DPH1: variants seen among roughly 807,000 people sequenced by gnomAD.
DPH1 encodes 2-(3-amino-3-carboxypropyl)histidine synthase subunit 1.
Under a neutral mutation model 55.3 loss-of-function variants are expected in DPH1, and 59 were observed. The ratio of observed to expected loss-of-function variants is 1.07; its 90% CI spans 0.87 to 1.33. The LOEUF is 1.33. Ranked by LOEUF, DPH1 falls within the 40% of genes most tolerant of loss-of-function variation. DPH1 has a pLI of 0.00. For synonymous variants in DPH1, 238 were observed against 235.5 expected, an observed-to-expected ratio of 1.01 and a Z score of -0.10; for missense variants, 628 against 584.8, an observed-to-expected ratio of 1.07 and a Z score of -0.76.
In DPH1 at chr17:2,036,036, C is replaced by T; in HGVS notation, c.345C>T (p.Phe115=). The change falls in exon 4 of 13, where the codon TTC becomes TTT. Residue 115 remains phenylalanine, a synonymous_variant. Coordinates refer to ENST00000263083, the MANE Select transcript of DPH1 (RefSeq NM_001383.6). The surrounding 1 kb of genome is among the most constrained non-coding windows in gnomAD (Gnocchi z 4.8). The part of the protein sequence containing the change: ...VTYGACCVDD[F]TARALGADFL... ...ACGGGGCTTGCTGTGTGGATGACTT[C>T]ACAGCGAGGGCCCTGGGAGCTGACT... is the stretch of plus-strand genomic sequence containing the variant. 1 of 1,613,996 alleles carries T rather than the reference C, an allele frequency of 6.2e-7. No homozygotes were observed. The highest frequency in any genetic ancestry group is 8.5e-7 in the Non-Finnish European group (1 of 1,179,926).
chr17:2,041,281 T>C (rs1288445310), intron 10 of DPH1, 100 bp downstream of exon 10: 1 of 1,491,812 alleles, frequency 6.7e-7, no homozygotes, highest in Non-Finnish European at 9.1e-7. Flanking sequence ...GTTATGTTCG[T>C]AGATTCCGGA....
At chr17:2,042,524 A>G (rs1016518192) in intron 12 of DPH1, 81 bp from the exon 13 acceptor site, 2 of 1,451,382 alleles carry the variant, frequency 1.4e-6, no homozygotes, top group Non-Finnish European at 1.8e-6. Context: ...GTCATCTCGA[A>G]CCCTCCTGCC....
intron 6 of DPH1, among the ~76,000 whole-genome samples, chr17:2,038,209 C>A (rs1269537319): frequency 2.6e-5 from 4 of 151,400 alleles, no homozygotes; most frequent in African/African-American, 9.7e-5. Context: ...CCTGTAGTCC[C>A]AGCTCCTCAG....
At position 2,036,331 on chromosome 17, in the gene DPH1, G is replaced by T. The variant is rs992405829; in HGVS notation, c.401-198G>T. ...TGAAAGGCTGTTGGTTGTAGAGCAG[G>T]CTGGGCCCCGGCCGGGTGACAGAGA... On this transcript the variant is annotated intron_variant, in intron 4 of 12. Transcript: ENST00000263083. The surrounding 1 kb of genome is among the most constrained non-coding windows in gnomAD (Gnocchi z 4.8). 1.9e-6 allele frequency: 2 copies of T among 1,045,520 alleles called. No homozygotes were observed. The highest frequency in any genetic ancestry group is 3.2e-5 in the African/African-American group (2 of 61,878). 64.8% of individuals were successfully genotyped at this position (1,045,520 alleles called of 1,614,324 possible).
chr17:2,038,339 C>T (rs1173080617), intron 6 of DPH1, among the ~76,000 whole-genome samples: 2 of 151,938 alleles, frequency 1.3e-5, no homozygotes, highest in Middle Eastern at 3.2e-3. Context: ...AATGAAAATC[C>T]GGTAGCTTTT....
intron 3 of DPH1, 150 bp downstream of exon 3, chr17:2,033,992 C>T: frequency 1.2e-6 from 1 of 850,224 alleles, no homozygotes. Context: ...TACACACACT[C>T]AGGGAAAACC....
Position 2,042,791 on chromosome 17 carries a change from T to A in DPH1, c.*205T>A. 1 of 1,613,518 alleles carries A rather than the reference T, an allele frequency of 6.2e-7. No individual in the cohort carries two copies. The highest frequency in any genetic ancestry group is 1.1e-5 in the South Asian group (1 of 91,080). On this transcript the variant is annotated 3_prime_UTR_variant, in exon 13 of 13. Transcript: ENST00000263083. Reference sequence around the variant, plus strand: ...CTTGGTTTCAGCCAAGGGGCTGCGCTAGCAGCCCTTGTGTGTGCCCTGGGC... The same window carrying A: ...CTTGGTTTCAGCCAAGGGGCTGCGCAAGCAGCCCTTGTGTGTGCCCTGGGC...
Position 2,030,235 on chromosome 17 carries a change from G to T in DPH1, c.61+5G>T, listed in dbSNP as rs1051795860. ...GCCGAGACGGCCCTGGCAGAGGTGG[G>T]TGCTGGAACGCTGCGCCCTCCAGAC... On this transcript the variant is annotated splice_donor_5th_base_variant and intron_variant, in intron 1 of 12. Coordinates refer to ENST00000263083, the MANE Select transcript of DPH1 (RefSeq NM_001383.6). The T allele has an allele frequency of 6.3e-7, 1 of 1,575,290 alleles. No individual in the cohort carries two copies. The highest frequency in any genetic ancestry group is 8.6e-7 in the Non-Finnish European group (1 of 1,160,860).
At chr17:2,040,843 G>A (rs2067507518) in intron 9 of DPH1, 2 of 626,570 alleles carry the variant, frequency 3.2e-6, no homozygotes, top group African/African-American at 3.7e-5. Context: ...GCTGACACCT[G>A]CCCTGTACCA....
Position 2,033,814 on chromosome 17 carries a change from G to C in DPH1, c.250G>C (p.Ala84Pro). 1 of 1,614,142 alleles carries C rather than the reference G, an allele frequency of 6.2e-7. No individual in the cohort carries two copies. The highest frequency in any genetic ancestry group is 8.5e-7 in the Non-Finnish European group (1 of 1,180,030). Residue 84 changes from alanine (A) to proline (P), a missense_variant, in exon 3 of 13, where the codon GCC becomes CCC. Physicochemically the swap from Ala to Pro is conservative, Grantham distance 27. Transcript: ENST00000263083. The part of the protein sequence containing the change: ...LQMPEGLLLF[A>P]CTIVDILERF... ...AATGCCGGAAGGCCTCCTCCTCTTT[G>C]CCTGTACCATTGTGGATATCTTGGA...
At chr17:2,041,381 G>C in intron 10 of DPH1, 100 bp from the exon 11 acceptor site, 1 of 1,510,672 alleles carries the variant, frequency 6.6e-7, no homozygotes, top group East Asian at 2.3e-5. Context: ...TGTGGCAGGG[G>C]ACAGTGTGCC....
At chr17:2,042,187 C>G in intron 12 of DPH1, 1 of 1,436,748 alleles carries the variant, frequency 7.0e-7, no homozygotes, top group South Asian at 1.4e-5. Context: ...GGCCCGCACC[C>G]GGTCCCCGAC....
rs370649778 is a variant in DPH1, at chr17:2,036,985, C to T, written c.680+29C>T. On this transcript the variant is annotated intron_variant, in intron 6 of 12. Transcript: ENST00000263083. This position sits in a 1 kb window ranked among gnomAD's most constrained non-coding sequence, Gnocchi z 4.8. ...AGTTAAAAATGGGGGCCAAGTAAGT[C>T]CTAGAGACATGCGTGTACCCTGGGA... The T allele has an allele frequency of 1.9e-5, 30 of 1,605,406 alleles. No homozygotes were observed. The African/African-American group carries it at 3.8e-4, about 20-fold the overall frequency.
In DPH1 at chr17:2,030,178, G is replaced by A; in HGVS notation, c.9G>A (p.Ala3=). 6.2e-7 allele frequency: 1 copy of A among 1,603,046 alleles called. No homozygotes were observed. The highest frequency in any genetic ancestry group is 8.5e-7 in the Non-Finnish European group (1 of 1,175,874). ...ACATGCGCAGGCAGGTGATGGCGGC[G>A]CTGGTCGTATCCGGGGCAGCGGAGC... The part of the protein sequence containing the change: MA[A]LVVSGAAEQG... Residue 3 remains alanine, a synonymous_variant, in exon 1 of 13, where the codon GCG becomes GCA. Coordinates refer to ENST00000263083, the MANE Select transcript of DPH1 (RefSeq NM_001383.6).
rs1410951723 is a variant in DPH1 at position 2,041,117 on chromosome 17, C to T, written c.1022C>T (p.Ala341Val). The T allele has an allele frequency of 1.2e-6, 2 of 1,603,008 alleles. No individual in the cohort carries two copies. Among genetic ancestry groups the T allele is most frequent in the South Asian group, 1.1e-5 (1 of 89,118 alleles). ...TCCCTTCCCAGGTGGGTGCAGGTGG[C>T]ATGTCCACGTCTCTCCATTGACTGG... is the stretch of plus-strand genomic sequence containing the variant. The part of the protein sequence containing the change: ...LPEVDVWVQV[A>V]CPRLSIDWGT... The change falls in exon 10 of 13, where the codon GCA becomes GTA. Residue 341 changes from alanine (A) to valine (V), a missense_variant. Ala to Val is a moderately conservative substitution (Grantham distance 64). Transcript: ENST00000263083.
In DPH1 at chr17:2,041,506, C is replaced by T. The variant is rs376712518; in HGVS notation, c.1112C>T (p.Ser371Phe). The change falls in exon 11 of 13, where the codon TCC becomes TTC. Residue 371 changes from serine (S) to phenylalanine (F), a missense_variant. Ser to Phe is a radical substitution (Grantham distance 155). Transcript: ENST00000263083. ...GCGGCCGTGGCTCTGAGGGACATTT[C>T]CTGGCAGCAGCCCTACCCGATGGAC... is the stretch of plus-strand genomic sequence containing the variant. ...YEAAVALRDISWQQPYPMDFY... is the reference protein window; with the variant it reads ...YEAAVALRDIFWQQPYPMDFY... The T allele has an allele frequency of 1.2e-5, 20 of 1,611,202 alleles. No individual in the cohort carries two copies. The African/African-American group carries it at 1.7e-4, about 14-fold the overall frequency.
Position 2,030,186 on chromosome 17 carries a change from T to C in DPH1, c.17T>C (p.Val6Ala). 2 of 1,603,108 alleles carry C rather than the reference T, an allele frequency of 1.2e-6. No homozygotes were observed. The highest frequency in any genetic ancestry group is 1.7e-6 in the Non-Finnish European group (2 of 1,175,980). Residue 6 changes from valine to alanine, a missense_variant, in exon 1 of 13, where the codon GTA becomes GCA. Transcript: ENST00000263083. Reference protein sequence around the residue: MAALVVSGAAEQGGRD... With the variant: MAALVASGAAEQGGRD... ...AGGCAGGTGATGGCGGCGCTGGTCGTATCCGGGGCAGCGGAGCAGGGCGGC... is the reference window on the plus strand; with the variant it reads ...AGGCAGGTGATGGCGGCGCTGGTCGCATCCGGGGCAGCGGAGCAGGGCGGC...
At chr17:2,042,433 C>T in intron 12 of DPH1, 172 bp from the exon 13 acceptor site, 1 of 1,258,824 alleles carries the variant, frequency 7.9e-7, no homozygotes, top group African/African-American at 1.6e-5. Flanking sequence ...TCTTCCTCCG[C>T]TGTCTCCTGT....
At chr17:2,040,990 T>G in intron 9 of DPH1, 113 bp from the exon 10 acceptor site, 2 of 1,032,544 alleles carry the variant, frequency 1.9e-6, no homozygotes, top group South Asian at 2.7e-5. Context: ...TACTTTAGGA[T>G]TCATAAAGCC....
Sources: gnomAD v4.1 joint callset for allele counts (sites outside exome capture counted in the v4.1 genomes callset) on GRCh38, gnomAD v4.1.1 for gene constraint, Gnocchi (gnomAD v3.1) non-coding constraint, MANE v1.5 for transcripts, NCBI Gene and HGNC (gene_info 2026-07-23, HGNC 2026-07-21) for gene names.